KCNMB2: variants seen among roughly 807,000 people sequenced by gnomAD.
The protein encoded by KCNMB2 is potassium calcium-activated channel subfamily M regulatory beta subunit 2.
A neutral mutation model predicts 24.5 loss-of-function variants in KCNMB2; 9 were observed. That is an observed-to-expected ratio of 0.37 (90% CI 0.22 to 0.64). The LOEUF (loss-of-function observed/expected upper bound fraction) is 0.64. KCNMB2 is among the 30% of genes least tolerant of loss of function. The pLI is 0.63. For missense variants in KCNMB2, 226 were observed against 284.3 expected, an observed-to-expected ratio of 0.79 and a Z score of 1.47; for synonymous variants, 109 against 104.4, an observed-to-expected ratio of 1.04 and a Z score of -0.27.
chr3:178,821,192 G>T (rs1714611297), intron 2 of KCNMB2, among the ~76,000 whole-genome samples: 1 of 152,084 alleles, frequency 6.6e-6, no homozygotes, highest in South Asian at 2.1e-4. Flanking sequence ...ATAAAGAATA[G>T]ACAGAAAGAA....
intron 1 of KCNMB2, among the ~76,000 whole-genome samples, chr3:178,745,775 T>C (rs565722650): frequency 2.0e-5 from 3 of 152,202 alleles, no homozygotes; most frequent in African/African-American, 4.8e-5. Flanking sequence ...ACAGGCCCCA[T>C]GCAAGTCTGA....
intron 1 of KCNMB2, among the ~76,000 whole-genome samples, chr3:178,761,911 C>G (rs1711903077): frequency 6.6e-6 from 1 of 152,150 alleles, no homozygotes; most frequent in Non-Finnish European, 1.5e-5. Context: ...GTGGTTCACG[C>G]CTGTAACCGC....
At chr3:178,767,636 G>A (rs1192235138) in intron 1 of KCNMB2, among the ~76,000 whole-genome samples, 3 of 152,138 alleles carry the variant, frequency 2.0e-5, no homozygotes, top group African/African-American at 7.2e-5. Context: ...GAATGCCAAA[G>A]GTAGAAACTC....
chr3:178,728,074 T>TC, intron 1 of KCNMB2, among the ~76,000 whole-genome samples: 1 of 152,214 alleles, frequency 6.6e-6, no homozygotes, highest in Non-Finnish European at 1.5e-5. Context: ...TATCTGTGAA[T>TC]TTTTTCATTA....
At chr3:178,684,400 T>C (rs906675448) in intron 1 of KCNMB2, among the ~76,000 whole-genome samples, 1 of 151,878 alleles carries the variant, frequency 6.6e-6, no homozygotes, top group Admixed American at 6.6e-5. Flanking sequence ...ATATGCAGGA[T>C]GAACAAGTCT....
At chr3:178,680,796 G>T (rs1016603468) in intron 1 of KCNMB2, among the ~76,000 whole-genome samples, 1 of 152,164 alleles carries the variant, frequency 6.6e-6, no homozygotes, top group Non-Finnish European at 1.5e-5. Context: ...ATGTATCCCA[G>T]TAAAGAAATT....
intron 1 of KCNMB2, among the ~76,000 whole-genome samples, chr3:178,611,419 C>G (rs1274714442): frequency 6.6e-6 from 1 of 152,002 alleles, no homozygotes; most frequent in African/African-American, 2.4e-5. Flanking sequence ...CAAAAAAAAC[C>G]CCAGGCCAGG....
At chr3:178,624,844 G>T (rs904802087) in intron 1 of KCNMB2, among the ~76,000 whole-genome samples, 1 of 152,042 alleles carries the variant, frequency 6.6e-6, no homozygotes, top group South Asian at 2.1e-4. Flanking sequence ...GCCAGGGAAG[G>T]GGAGTTGGCA....
At chr3:178,745,346 A>AT (rs1447890747) in intron 1 of KCNMB2, among the ~76,000 whole-genome samples, 1 of 152,172 alleles carries the variant, frequency 6.6e-6, no homozygotes, top group Non-Finnish European at 1.5e-5. Context: ...CCCCCTTATA[A>AT]TAACCATCAG....
intron 1 of KCNMB2, among the ~76,000 whole-genome samples, chr3:178,627,247 G>C (rs1433008063): frequency 2.6e-5 from 4 of 152,034 alleles, no homozygotes; most frequent in African/African-American, 7.2e-5. Flanking sequence ...TGGTTATCTG[G>C]TAATATTTTT....
At chr3:178,815,593 C>T (rs553203628) in intron 2 of KCNMB2, among the ~76,000 whole-genome samples, 15 of 152,144 alleles carry the variant, frequency 9.9e-5, no homozygotes, top group Admixed American at 3.3e-4. Flanking sequence ...TAATGGACAT[C>T]TTTACTTTTG....
rs983302839 is a variant in KCNMB2, at chr3:178,632,642, T to C, written c.-68+95931T>C. On this transcript the variant is annotated intron_variant, in intron 1 of 4. Coordinates refer to ENST00000452583, the MANE Select transcript of KCNMB2 (RefSeq NM_181361.3). ...CACATGGGGATTACGGGAACTACAA[T>C]TCAAGATGAGATTTGGGTGAGGACA... is the stretch of plus-strand genomic sequence containing the variant. Among the ~76,000 whole-genome samples, 9 of 152,242 alleles carry C rather than the reference T, an allele frequency of 5.9e-5. No individual in the cohort carries two copies. The South Asian group carries it at 1.0e-3, about 18-fold the overall frequency.
At chr3:178,719,147 T>C (rs922838994) in intron 1 of KCNMB2, among the ~76,000 whole-genome samples, 1 of 152,232 alleles carries the variant, frequency 6.6e-6, no homozygotes, top group Non-Finnish European at 1.5e-5. Context: ...CTTCTTGCAT[T>C]TTCATCAGTT....
intron 1 of KCNMB2, among the ~76,000 whole-genome samples, chr3:178,646,438 C>A (rs961882322): frequency 9.2e-5 from 14 of 152,158 alleles, no homozygotes; most frequent in African/African-American, 3.4e-4. Flanking sequence ...TTAGCTATGC[C>A]AGCCAGAAAA....
chr3:178,672,680 G>C (rs1016032798), intron 1 of KCNMB2, among the ~76,000 whole-genome samples: 3 of 152,152 alleles, frequency 2.0e-5, no homozygotes, highest in African/African-American at 7.2e-5. Flanking sequence ...ATGAACATTT[G>C]ATTTGAGGAA....
At chr3:178,665,600 CTT>C (rs1720690205) in intron 1 of KCNMB2, among the ~76,000 whole-genome samples, 2 of 152,040 alleles carry the variant, frequency 1.3e-5, no homozygotes, top group South Asian at 4.1e-4. Context: ...TTTTCAATGA[CTT>C]TGAGATTAGG....
At chr3:178,634,601 A>G (rs1477786) in intron 1 of KCNMB2, among the ~76,000 whole-genome samples, 105,724 of 151,892 alleles carry the variant, frequency 0.7, 37,532 homozygotes, top group African/African-American at 0.85. Context: ...CCCATGATAC[A>G]TGGGATTATG....
chr3:178,813,839 A>G (rs1487180272), intron 2 of KCNMB2, among the ~76,000 whole-genome samples: 1 of 152,186 alleles, frequency 6.6e-6, no homozygotes, highest in Non-Finnish European at 1.5e-5. Flanking sequence ...TTTTTAGATA[A>G]TTACATTTTC....
chr3:178,600,209 C>A (rs1013402883), intron 1 of KCNMB2, among the ~76,000 whole-genome samples: 8 of 152,096 alleles, frequency 5.3e-5, no homozygotes, highest in Admixed American at 5.2e-4. Context: ...GCATAATGTC[C>A]TCAAGATTTA....
Sources: allele counts gnomAD v4.1 joint callset (sites outside exome capture counted in the v4.1 genomes callset), GRCh38; gene constraint gnomAD v4.1.1; transcripts MANE v1.5; gene names NCBI Gene and HGNC (gene_info 2026-07-23, HGNC 2026-07-21).